Variants in CYB5R4 observed in about 807,000 individuals in gnomAD.
CYB5R4 encodes the protein cytochrome b5 reductase 4, also known as N-terminal cytochrome b5 and cytochrome b5 oxidoreductase domain-containing protein.
A neutral mutation model predicts 70.2 loss-of-function variants in CYB5R4; 55 were observed. The observed-to-expected ratio is 0.78, with a 90% CI of 0.63 to 0.98. The LOEUF (loss-of-function observed/expected upper bound fraction) is 0.98. Ranked by LOEUF, CYB5R4 falls within the 50% of genes least tolerant of loss-of-function variation. CYB5R4 has a pLI of 0.00. For missense variants in CYB5R4, 562 were observed against 612.6 expected (o/e 0.92, Z 0.87); for synonymous variants, 197 against 199.5 (o/e 0.99, Z 0.11).
intron 10 of CYB5R4, among the ~76,000 whole-genome samples, chr6:83,925,450 A>G (rs1457622121): frequency 6.6e-6 from 1 of 152,190 alleles, no homozygotes; most frequent in Non-Finnish European, 1.5e-5. Context: ...AAAAGATGAT[A>G]CCATTCATTT....
chr6:83,955,373 T>C lies in CYB5R4; in HGVS notation c.1422T>C (p.Leu474=). ...AACAGGGACATATTTCACCAGCTCT[T>C]CTTTCTGAATTTTTGAAAAGAAATT... ...NGKQGHISPA[L]LSEFLKRNLD... Residue 474 remains leucine (L), a synonymous_variant, in exon 15 of 16, where the codon CTT becomes CTC. Transcript: ENST00000369681. 6.2e-7 allele frequency: 1 copy of C among 1,614,040 alleles called. No homozygotes were observed. Among genetic ancestry groups the C allele is most frequent in the East Asian group, 2.2e-5 (1 of 44,844 alleles).
chr6:83,875,157 C>G (rs2099458328), intron 2 of CYB5R4, among the ~76,000 whole-genome samples: 1 of 152,204 alleles, frequency 6.6e-6, no homozygotes, highest in African/African-American at 2.4e-5. Context: ...TAATGTACCA[C>G]TTTTCTCCCT....
intron 2 of CYB5R4, among the ~76,000 whole-genome samples, chr6:83,873,607 G>A (rs772370073): frequency 2.6e-5 from 4 of 152,016 alleles, no homozygotes; most frequent in South Asian, 2.1e-4. Flanking sequence ...TGTAGTTGTC[G>A]CTCATAAAAT....
At chr6:83,915,992 C>T (rs2129139117) in intron 5 of CYB5R4, among the ~76,000 whole-genome samples, 1 of 152,110 alleles carries the variant, frequency 6.6e-6, no homozygotes, top group African/African-American at 2.4e-5. Context: ...ACACATTCAC[C>T]CCGTATTCTT....
chr6:83,864,374 T>TC, intron 2 of CYB5R4, 46 bp downstream of exon 2: 1 of 1,544,048 alleles, frequency 6.5e-7, no homozygotes, highest in Non-Finnish European at 8.8e-7. Context: ...GCCTGAACTT[T>TC]CCAATTATGA....
chr6:83,884,672 A>G (rs1239425545), intron 2 of CYB5R4, among the ~76,000 whole-genome samples: 1 of 152,160 alleles, frequency 6.6e-6, no homozygotes, highest in African/African-American at 2.4e-5. Context: ...AGTAATTGTA[A>G]CAATCGACCT....
At chr6:83,890,224 A>G (rs1383491571) in intron 2 of CYB5R4, among the ~76,000 whole-genome samples, 1 of 152,236 alleles carries the variant, frequency 6.6e-6, no homozygotes, top group African/African-American at 2.4e-5. Context: ...ACCATTCTGG[A>G]TGCCATTAAG....
chr6:83,951,912 T>C (rs1242971700), intron 14 of CYB5R4, among the ~76,000 whole-genome samples: 1 of 152,172 alleles, frequency 6.6e-6, no homozygotes, highest in East Asian at 1.9e-4. Context: ...AGTGTAAAAG[T>C]GTTCCTGTTT....
intron 15 of CYB5R4, among the ~76,000 whole-genome samples, chr6:83,956,979 G>A (rs531163379): frequency 4.3e-4 from 64 of 149,790 alleles, no homozygotes; most frequent in Non-Finnish European, 7.4e-4. Context: ...AATTTTAATT[G>A]TAGAAAAGAT....
chr6:83,870,971 C>CTT (rs759131653), intron 2 of CYB5R4, among the ~76,000 whole-genome samples: 2,183 of 88,548 alleles, frequency 0.025, 100 homozygotes, highest in African/African-American at 0.067. Context: ...TCATTGTTTG[C>CTT]TTTTTTTTTT....
chr6:83,916,885 C>T (rs1209828573), intron 5 of CYB5R4, among the ~76,000 whole-genome samples: 1 of 152,096 alleles, frequency 6.6e-6, no homozygotes, highest in Non-Finnish European at 1.5e-5. Context: ...AATTTGGGCA[C>T]CCAAGACTCA....
At chr6:83,868,184 T>C (rs2099457034) in intron 2 of CYB5R4, among the ~76,000 whole-genome samples, 1 of 152,060 alleles carries the variant, frequency 6.6e-6, no homozygotes, top group South Asian at 2.1e-4. Context: ...TTTTTTTCCC[T>C]TTTTTAAAGT....
At chr6:83,895,960 T>C (rs918950997) in intron 3 of CYB5R4, among the ~76,000 whole-genome samples, 2 of 152,234 alleles carry the variant, frequency 1.3e-5, no homozygotes, top group East Asian at 3.8e-4. Flanking sequence ...ACCGCTGACC[T>C]CTTATCTTGC....
At chr6:83,922,360 C>A in intron 8 of CYB5R4, 78 bp from the exon 9 acceptor site, 5 of 1,103,370 alleles carry the variant, frequency 4.5e-6, no homozygotes, top group Non-Finnish European at 6.6e-6. Context: ...CATAAAAGAG[C>A]CATTTAAATG....
At chr6:83,889,625 C>G (rs2324482) in intron 2 of CYB5R4, among the ~76,000 whole-genome samples, 23,456 of 152,178 alleles carry the variant, frequency 0.15, 3,533 homozygotes, top group African/African-American at 0.37. Context: ...TCTGATAGCA[C>G]TGTACGTCAT....
intron 11 of CYB5R4, among the ~76,000 whole-genome samples, chr6:83,935,049 G>A (rs1290754108): frequency 6.6e-6 from 1 of 152,126 alleles, no homozygotes; most frequent in Non-Finnish European, 1.5e-5. Flanking sequence ...CCTCCATGAA[G>A]ACAACTACTA....
chr6:83,891,252 A>G (rs1296429871), intron 2 of CYB5R4, among the ~76,000 whole-genome samples: 2 of 152,178 alleles, frequency 1.3e-5, no homozygotes, highest in Non-Finnish European at 2.9e-5. Context: ...TGGCCTAAAC[A>G]TAACTTTCAT....
intron 3 of CYB5R4, among the ~76,000 whole-genome samples, chr6:83,901,142 C>G (rs1266697331): frequency 1.3e-5 from 2 of 152,106 alleles, no homozygotes; most frequent in Non-Finnish European, 2.9e-5. Flanking sequence ...TTCAGGAGCT[C>G]TTTTAGGGCA....
At chr6:83,934,814 C>A in intron 11 of CYB5R4, 79 bp downstream of exon 11, 2 of 1,295,538 alleles carry the variant, frequency 1.5e-6, no homozygotes, top group Non-Finnish European at 2.1e-6. Context: ...CTCTAGAAAA[C>A]AACCATTTAA....
Sources: gnomAD v4.1 joint callset for allele counts (sites outside exome capture counted in the v4.1 genomes callset) on GRCh38, gnomAD v4.1.1 for gene constraint, MANE v1.5 for transcripts, NCBI Gene and HGNC (gene_info 2026-07-23, HGNC 2026-07-21) for gene names.